The following NOTCH2NLA variants were observed in gnomAD, a reference collection of about 807,000 sequenced individuals.
The protein encoded by NOTCH2NLA is notch 2 N-terminal like A.
intron 2 of NOTCH2NLA, among the ~76,000 whole-genome samples, chr1:146,183,598 G>A (rs1662643875): frequency 1.7e-5 from 2 of 118,832 alleles, no homozygotes; most frequent in South Asian, 5.0e-4. Flanking sequence ...GGCAGAACCA[G>A]TTTCAGCTGA....
At chr1:146,174,386 A>G (rs1380530977) in intron 2 of NOTCH2NLA, among the ~76,000 whole-genome samples, 307 of 106,872 alleles carry the variant, frequency 2.9e-3, no homozygotes, top group African/African-American at 0.011. Context: ...GCTTTGCTGC[A>G]GCTCTGTCTT....
At chr1:146,180,718 A>G (rs1313971670) in intron 2 of NOTCH2NLA, among the ~76,000 whole-genome samples, 2 of 142,086 alleles carry the variant, frequency 1.4e-5, no homozygotes, top group African/African-American at 2.4e-5. Flanking sequence ...ACGGAGAGAC[A>G]CTAAACTTCA....
rs1297473108 is a variant in NOTCH2NLA, at chr1:146,188,009, GA to G, written c.38+1290del. On this transcript the variant is annotated intron_variant, in intron 2 of 4. Coordinates refer to ENST00000362074, the Ensembl canonical transcript of NOTCH2NLA. ...TAGTGAAGAAAATTATTTCTGACTT[GA>G]AAAAAAAATCTTGTTTATAACATTA... Among the ~76,000 whole-genome samples, 5 of 131,380 alleles carry G rather than the reference GA, an allele frequency of 3.8e-5. 1 individual carries two copies. Among genetic ancestry groups the G allele is most frequent in the South Asian group, 2.4e-4 (1 of 4,156 alleles). 86.2% of individuals were successfully genotyped at this position (131,380 alleles called of 152,430 possible).
intron 3 of NOTCH2NLA, among the ~76,000 whole-genome samples, chr1:146,159,995 A>G (rs1226160895): frequency 7.7e-6 from 1 of 130,388 alleles, no homozygotes; most frequent in African/African-American, 2.8e-5. Flanking sequence ...AAAAAAAAAA[A>G]GGTGATCAGA....
intron 1 of NOTCH2NLA, chr1:146,228,485 C>CGGCGGGGAACCCCGGCGGCT (rs1664319278): frequency 1.8e-6 from 1 of 568,754 alleles, no homozygotes; most frequent in African/African-American, 2.2e-5. Context: ...GGAGCAGAGG[C>CGGCGGGGAACCCCGGCGGCT]GGCGGGGAAC....
At chr1:146,200,680 TTC>T (rs1428953236) in intron 1 of NOTCH2NLA, among the ~76,000 whole-genome samples, 1 of 128,220 alleles carries the variant, frequency 7.8e-6, no homozygotes, top group African/African-American at 3.0e-5. Flanking sequence ...ATTACTCATA[TTC>T]TTTCTTTATT....
At chr1:146,219,729 A>G (rs1664013940) in intron 1 of NOTCH2NLA, among the ~76,000 whole-genome samples, 1 of 92,146 alleles carries the variant, frequency 1.1e-5, no homozygotes, top group African/African-American at 6.1e-5. Flanking sequence ...TAAAAATAAA[A>G]CCTAGTGTTG....
At chr1:146,198,777 C>T (rs1299228734) in intron 1 of NOTCH2NLA, among the ~76,000 whole-genome samples, 2 of 90,864 alleles carry the variant, frequency 2.2e-5, no homozygotes, top group South Asian at 7.0e-4. Context: ...TTTTAGTAAA[C>T]TCCCTTTTTA....
chr1:146,170,436 C>A, intron 2 of NOTCH2NLA, among the ~76,000 whole-genome samples: 2 of 105,074 alleles, frequency 1.9e-5, no homozygotes, highest in African/African-American at 7.1e-5. Flanking sequence ...ACACAAAAGG[C>A]CACATATTAT....
intron 3 of NOTCH2NLA, among the ~76,000 whole-genome samples, chr1:146,159,427 G>GAA (rs1661364374): frequency 6.7e-6 from 1 of 149,716 alleles, no homozygotes; most frequent in Non-Finnish European, 1.5e-5. Flanking sequence ...AAGAAAGAAA[G>GAA]AAAGAAAGAA....
intron 2 of NOTCH2NLA, among the ~76,000 whole-genome samples, chr1:146,180,572 G>A (rs1392719467): frequency 7.0e-6 from 1 of 143,212 alleles, no homozygotes; most frequent in Non-Finnish European, 1.6e-5. Flanking sequence ...TCTAGAAAAT[G>A]TGCGGAAATC....
chr1:146,171,311 G>C, intron 2 of NOTCH2NLA, among the ~76,000 whole-genome samples: 1 of 136,244 alleles, frequency 7.3e-6, no homozygotes, highest in African/African-American at 2.5e-5. Context: ...GGCGCCTGTA[G>C]TCCCAGCTAC....
chr1:146,172,861 G>T (rs1662061940), intron 2 of NOTCH2NLA, among the ~76,000 whole-genome samples: 1 of 144,862 alleles, frequency 6.9e-6, no homozygotes, highest in African/African-American at 2.4e-5. Context: ...CTGAATACCT[G>T]AGTACATAAA....
At chr1:146,200,812 ACAAT>A (rs1405708407) in intron 1 of NOTCH2NLA, among the ~76,000 whole-genome samples, 1 of 108,122 alleles carries the variant, frequency 9.2e-6, no homozygotes, top group African/African-American at 3.7e-5. Flanking sequence ...GCAAGTGCTC[ACAAT>A]CATTCTATTT....
At chr1:146,187,733 C>T (rs1289057785) in intron 2 of NOTCH2NLA, among the ~76,000 whole-genome samples, 1 of 135,682 alleles carries the variant, frequency 7.4e-6, no homozygotes, top group East Asian at 2.0e-4. Context: ...ACTAACGCAC[C>T]AAATGCCACA....
intron 3 of NOTCH2NLA, among the ~76,000 whole-genome samples, chr1:146,157,269 C>G (rs1281742088): frequency 6.6e-6 from 1 of 151,238 alleles, no homozygotes; most frequent in Admixed American, 6.6e-5. Context: ...CCAGCCCGGC[C>G]AATATGGTGA....
intron 3 of NOTCH2NLA, among the ~76,000 whole-genome samples, chr1:146,159,316 C>T (rs1661336380): frequency 6.7e-6 from 1 of 148,418 alleles, no homozygotes; most frequent in Non-Finnish European, 1.5e-5. Context: ...CGAGACTGCG[C>T]CACTGTACTA....
intron 2 of NOTCH2NLA, among the ~76,000 whole-genome samples, chr1:146,182,852 AAAC>A (rs58463396): frequency 3.5e-5 from 3 of 84,624 alleles, no homozygotes; most frequent in African/African-American, 1.1e-4. Flanking sequence ...TCTCAAAAAA[AAAC>A]AACAACAAAA....
rs1216146057 is a variant in NOTCH2NLA at position 146,187,609 on chromosome 1, A to C, written c.38+1691T>G. ...GCACTGTACTAGGCATTAACTATGCAAAAAATGCATAAGACTAAGACCTCA... is the reference window on the plus strand; with the variant it reads ...GCACTGTACTAGGCATTAACTATGCCAAAAATGCATAAGACTAAGACCTCA... On this transcript the variant is annotated intron_variant, in intron 2 of 4. Coordinates refer to ENST00000362074, the Ensembl canonical transcript of NOTCH2NLA. 2.6e-4 allele frequency among the ~76,000 whole-genome samples: 36 copies of C among 136,218 alleles called. 9 individuals carry two copies. The highest frequency in any genetic ancestry group is 4.0e-4 in the East Asian group (2 of 4,944). The allele number at this position is 136,218 out of a possible 152,430, so 89.4% of individuals were successfully genotyped here. A position where few individuals can be genotyped will look rare whatever the true frequency, so the allele number is the denominator to read the frequency against.
Sources: allele counts gnomAD v4.1 joint callset (sites outside exome capture counted in the v4.1 genomes callset), GRCh38; gene constraint gnomAD v4.1.1; transcripts MANE v1.5; gene names NCBI Gene and HGNC (gene_info 2026-07-23, HGNC 2026-07-21).